The following SLC3A1 variants were observed in gnomAD, a reference collection of about 807,000 sequenced individuals.
SLC3A1 encodes the protein amino acid transporter heavy chain SLC3A1.
A neutral mutation model predicts 60.3 loss-of-function variants in SLC3A1; 78 were observed. The ratio of observed to expected loss-of-function variants is 1.29; its 90% CI spans 1.08 to 1.56. SLC3A1 has a LOEUF of 1.56. Among genes scored for constraint, SLC3A1 ranks in the 40% most tolerant of loss-of-function variants. The pLI is 0.00. For missense variants in SLC3A1, 1,172 were observed against 858.9 expected, an observed-to-expected ratio of 1.36 and a Z score of -4.56; for synonymous variants, 392 against 307.9, an observed-to-expected ratio of 1.27 and a Z score of -2.86.
At chr2:44,312,800 TATTC>T (rs772588953) in intron 8 of SLC3A1, 47 bp downstream of exon 8, 1 of 1,528,062 alleles carries the variant, frequency 6.5e-7, no homozygotes, top group Non-Finnish European at 8.9e-7. Context: ...TAAAACCAAG[TATTC>T]ATTTTTTATT....
intron 7 of SLC3A1, among the ~76,000 whole-genome samples, chr2:44,307,780 T>C (rs1672194831): frequency 6.6e-6 from 1 of 152,200 alleles, no homozygotes. Flanking sequence ...CTGTGGGCTT[T>C]CATGTCACTT....
At chr2:44,319,388 G>C (rs1672727584) in intron 9 of SLC3A1, 1 of 152,552 alleles carries the variant, frequency 6.6e-6, no homozygotes, top group African/African-American at 2.4e-5. Context: ...ATACAAAAAT[G>C]GGGGGAGGGG....
chr2:44,296,708 G>A (rs577008042), intron 4 of SLC3A1, among the ~76,000 whole-genome samples: 1 of 152,098 alleles, frequency 6.6e-6, no homozygotes, highest in Non-Finnish European at 1.5e-5. Flanking sequence ...AGATAGAAAC[G>A]CACTTCAAGT....
intron 3 of SLC3A1, among the ~76,000 whole-genome samples, chr2:44,282,594 C>T (rs1671524816): frequency 6.6e-6 from 1 of 152,120 alleles, no homozygotes; most frequent in Admixed American, 6.6e-5. Flanking sequence ...TTTGGACAAG[C>T]AGTGCATAAA....
At chr2:44,319,022 G>A (rs1672691740) in intron 9 of SLC3A1, 1 of 152,174 alleles carries the variant, frequency 6.6e-6, no homozygotes, top group Non-Finnish European at 1.5e-5. Context: ...CTTCTTATGT[G>A]AGTGGCACTG....
intron 4 of SLC3A1, among the ~76,000 whole-genome samples, chr2:44,299,737 AT>A (rs2104362107): frequency 6.6e-6 from 1 of 152,318 alleles, no homozygotes; most frequent in East Asian, 1.9e-4. Flanking sequence ...AATGTAACTA[AT>A]TGTAATTCTG....
chr2:44,279,785 A>G (rs559025147), intron 1 of SLC3A1, among the ~76,000 whole-genome samples: 1 of 152,202 alleles, frequency 6.6e-6, no homozygotes, highest in African/African-American at 2.4e-5. Context: ...CTGGTCTCGA[A>G]CACCTGAGCC....
At chr2:44,278,119 T>C (rs1424222310) in intron 1 of SLC3A1, among the ~76,000 whole-genome samples, 3 of 151,918 alleles carry the variant, frequency 2.0e-5, no homozygotes, top group African/African-American at 7.3e-5. Context: ...CAGCTACCCA[T>C]ATGGGGGAAC....
chr2:44,287,598 C>T (rs1359960197), intron 4 of SLC3A1, among the ~76,000 whole-genome samples: 1 of 152,152 alleles, frequency 6.6e-6, no homozygotes, highest in Admixed American at 6.5e-5. Flanking sequence ...TATCTGGCAA[C>T]CCTACCAGTA....
At chr2:44,318,337 C>A (rs1381800988) in intron 9 of SLC3A1, 1 of 196,522 alleles carries the variant, frequency 5.1e-6, no homozygotes, top group Non-Finnish European at 1.1e-5. Flanking sequence ...GGTGATCTGT[C>A]TGCCTTGCCT....
chr2:44,320,514 G>A lies in SLC3A1; in HGVS notation c.1933G>A (p.Gly645Arg). The change falls in exon 10 of 10, where the codon GGA (glycine) becomes AGA (arginine). Residue 645 changes from glycine to arginine, a missense_variant. Coordinates refer to ENST00000260649, the MANE Select transcript of SLC3A1 (RefSeq NM_000341.4). ...TGGCATTTTTCTGGACAAGGGAGAG[G>A]GACTCATCTTTGAACACAACACGAA... The part of the protein sequence containing the change: ...TSGIFLDKGE[G>R]LIFEHNTKNL... The A allele has an allele frequency of 6.2e-7, 1 of 1,614,064 alleles. No homozygotes were observed. The highest frequency in any genetic ancestry group is 8.5e-7 in the Non-Finnish European group (1 of 1,179,962).
At chr2:44,276,679 A>G (rs1051813696) in intron 1 of SLC3A1, among the ~76,000 whole-genome samples, 4 of 152,050 alleles carry the variant, frequency 2.6e-5, no homozygotes, top group Non-Finnish European at 4.4e-5. Context: ...AGCTTAGGCA[A>G]CATAGGGAGA....
At chr2:44,318,880 A>T (rs1159855459) in intron 9 of SLC3A1, 1 of 152,216 alleles carries the variant, frequency 6.6e-6, no homozygotes, top group Non-Finnish European at 1.5e-5. Flanking sequence ...ATGACTACGC[A>T]TCTAACAGCT....
At chr2:44,295,317 A>C (rs978220215) in intron 4 of SLC3A1, among the ~76,000 whole-genome samples, 9 of 152,222 alleles carry the variant, frequency 5.9e-5, no homozygotes, top group Non-Finnish European at 4.4e-5. Flanking sequence ...ACAGGAGTCA[A>C]GGACGTAGTG....
intron 4 of SLC3A1, among the ~76,000 whole-genome samples, chr2:44,297,264 A>AGGTGCC (rs1399186005): frequency 6.6e-6 from 1 of 152,224 alleles, no homozygotes; most frequent in African/African-American, 2.4e-5. Context: ...GCTTGTGAGC[A>AGGTGCC]GGTGCCGGAG....
At chr2:44,294,386 T>TC (rs1246818971) in intron 4 of SLC3A1, among the ~76,000 whole-genome samples, 1 of 150,908 alleles carries the variant, frequency 6.6e-6, no homozygotes, top group Non-Finnish European at 1.5e-5. Context: ...GCACCTGTAA[T>TC]CCCAGCTACT....
chr2:44,317,878 A>G, intron 9 of SLC3A1: 1 of 216,118 alleles, frequency 4.6e-6, no homozygotes, highest in Non-Finnish European at 9.5e-6. Context: ...CTATTAAAAG[A>G]TAAAACCACT....
Position 44,316,660 on chromosome 2 carries a change from C to T in SLC3A1, c.1617+2709C>T, listed in dbSNP as rs1452241955. Among the ~76,000 whole-genome samples the T allele has an allele frequency of 2.0e-5, 3 of 152,230 alleles. No homozygotes were observed. In the South Asian group the frequency reaches 6.2e-4, roughly 32 times the overall value. The stretch of plus-strand genomic sequence containing the variant: ...AACTCCAAAACTACTCAGAAAGAAA[C>T]CAAACCTGAAAATAGATTGCCTGAG... On this transcript the variant is annotated intron_variant, in intron 9 of 9. Transcript: ENST00000260649.
At chr2:44,303,722 C>T (rs1390989843) in intron 6 of SLC3A1, 2 of 317,336 alleles carry the variant, frequency 6.3e-6, no homozygotes, top group Non-Finnish European at 6.1e-6. Context: ...TAATGCTATC[C>T]TTCCCTTAGC....
Sources: gnomAD v4.1 joint callset for allele counts (sites outside exome capture counted in the v4.1 genomes callset) on GRCh38, gnomAD v4.1.1 for gene constraint, MANE v1.5 for transcripts, NCBI Gene and HGNC (gene_info 2026-07-23, HGNC 2026-07-21) for gene names.